Variants in ADGRE1 observed in about 807,000 individuals in gnomAD.
The protein encoded by ADGRE1 is EGF-like module receptor 1.
ADGRE1 carries 82 observed loss-of-function variants against 102.7 expected under a neutral mutation model. That is an observed-to-expected ratio of 0.80 (90% CI 0.67 to 0.96). The LOEUF is 0.96. ADGRE1 is among the 40% of genes least tolerant of loss of function. The probability of loss-of-function intolerance (pLI) is 0.00; values close to 1 mark genes in which losing one functional copy is unlikely to be tolerated. For missense variants in ADGRE1, 1,032 were observed against 1,085.3 expected, an observed-to-expected ratio of 0.95 and a Z score of 0.69; for synonymous variants, 398 against 399.6, an observed-to-expected ratio of 1.00 and a Z score of 0.05.
At position 6,890,502 on chromosome 19, in the gene ADGRE1, G is replaced by A. The variant is rs768800037; in HGVS notation, c.53G>A (p.Trp18Ter). The A allele has an allele frequency of 7.5e-6, 12 of 1,608,972 alleles. No homozygotes were observed. The highest frequency in any genetic ancestry group is 1.1e-5 in the South Asian group (1 of 90,862). The part of the protein sequence containing the change: ...LFWGCCVMHS[W>*]EGHIRPTRKP... ...ACAGGATGTTGTGTTATGCACAGCT[G>A]GGAAGGGCACATAAGACCCACACGG... Residue 18 changes from tryptophan (W) to a stop codon, truncating the protein, a stop_gained, in exon 2 of 21, where the codon TGG (tryptophan) becomes TAG (stop). Transcript: ENST00000312053. LOFTEE classifies it high-confidence loss of function.
chr19:6,909,470 A>G lies in ADGRE1; in HGVS notation c.1122+698A>G, dbSNP rs140502026. Among the ~76,000 whole-genome samples the G allele has an allele frequency of 2.8e-3, 425 of 152,264 alleles. 3 individuals are homozygous for G. The highest frequency in any genetic ancestry group is 4.6e-3 in the Non-Finnish European group (315 of 68,032). On this transcript the variant is annotated intron_variant, in intron 10 of 20. Transcript: ENST00000312053. ...TGTTATATAAATGAAACCACATAGT[A>G]TGTGGTCTTTTGAGACTGGCTTCTT...
At position 6,896,532 on chromosome 19, in the gene ADGRE1, C is replaced by A; in HGVS notation, c.229C>A (p.Arg77=). The change falls in exon 3 of 21, where the codon CGA becomes AGA. Residue 77 remains arginine, a synonymous_variant. Transcript: ENST00000312053. ...GQNHFKDPGV[R]CKDIDECSQS... is the part of the protein sequence containing the mutation. ...AAATCACTTCAAGGATCCAGGAGTG[C>A]GATGCAAAGGTGAGTTCATGTCCCC... is the stretch of plus-strand genomic sequence containing the variant. 6.2e-7 allele frequency: 1 copy of A among 1,613,866 alleles called. No individual in the cohort carries two copies.
chr19:6,896,122 A>G (rs1973541719), intron 2 of ADGRE1: 2 of 344,628 alleles, frequency 5.8e-6, no homozygotes. Context: ...GTCCCTGTGC[A>G]TGTCTGTGTG....
At position 6,916,301 on chromosome 19, in the gene ADGRE1, G is replaced by C. The variant is rs1414031366; in HGVS notation, c.1353G>C (p.Leu451Phe). The change falls in exon 12 of 21, where the codon TTG becomes TTC. Residue 451 changes from leucine (L) to phenylalanine (F), a missense_variant. Transcript: ENST00000312053. The stretch of plus-strand genomic sequence containing the variant: ...AATGCAGTGAAGAGAATGTGACGTT[G>C]GACTTGGTAGCCAAGGGGGATAAGA... ...NKECSEENVT[L>F]DLVAKGDKMK... 6.2e-7 allele frequency: 1 copy of C among 1,613,364 alleles called. No individual in the cohort carries two copies. Among genetic ancestry groups the C allele is most frequent in the African/African-American group, 1.3e-5 (1 of 74,868 alleles).
intron 8 of ADGRE1, among the ~76,000 whole-genome samples, chr19:6,904,598 C>T (rs1005897179): frequency 2.6e-5 from 4 of 151,816 alleles, no homozygotes; most frequent in Admixed American, 6.6e-5. Flanking sequence ...CTCCACCTCC[C>T]GGGTTCACGC....
chr19:6,903,732 T>C, intron 6 of ADGRE1, 78 bp from the exon 7 acceptor site: 2 of 1,572,032 alleles, frequency 1.3e-6, no homozygotes, highest in South Asian at 2.3e-5. Context: ...GAAACATGAC[T>C]CCATATTTTG....
intron 10 of ADGRE1, among the ~76,000 whole-genome samples, chr19:6,913,180 C>CT (rs1001931635): frequency 8.6e-5 from 13 of 151,268 alleles, no homozygotes; most frequent in East Asian, 7.8e-4. Context: ...ATTTGTATTT[C>CT]TTTTTTTTTC....
At chr19:6,904,895 A>G (rs1466740040) in intron 8 of ADGRE1, among the ~76,000 whole-genome samples, 1 of 152,164 alleles carries the variant, frequency 6.6e-6, no homozygotes, top group African/African-American at 2.4e-5. Context: ...GAGGAGAAGG[A>G]CTTCTCTAGA....
chr19:6,939,016 G>A (rs764427014), intron 20 of ADGRE1, among the ~76,000 whole-genome samples: 1 of 151,760 alleles, frequency 6.6e-6, no homozygotes, highest in Non-Finnish European at 1.5e-5. Context: ...GGTTGGTCTC[G>A]AACTCCTGAC....
intron 5 of ADGRE1, chr19:6,898,361 A>G: frequency 6.3e-7 from 1 of 1,598,740 alleles, no homozygotes; most frequent in East Asian, 2.2e-5. Flanking sequence ...TCATCCTGCA[A>G]AAACATGTCA....
At chr19:6,900,527 G>T (rs1973728327) in intron 5 of ADGRE1, among the ~76,000 whole-genome samples, 1 of 152,102 alleles carries the variant, frequency 6.6e-6, no homozygotes, top group Non-Finnish European at 1.5e-5. Flanking sequence ...TTCCTCCACT[G>T]TTTTCCATCC....
At position 6,903,826 on chromosome 19, in the gene ADGRE1, T is replaced by C; in HGVS notation, c.678T>C (p.Thr226=). Residue 226 remains threonine (T), a synonymous_variant, in exon 7 of 21, where the codon ACT becomes ACC. Transcript: ENST00000312053. ...KASCEDIDEC[T]EMCPINSTCT... is the part of the protein sequence containing the mutation. ...ACCCCACAGATATTGATGAATGCAC[T>C]GAAATGTGCCCCATCAATTCAACAT... 6.2e-7 allele frequency: 1 copy of C among 1,614,142 alleles called. No individual in the cohort carries two copies. The highest frequency in any genetic ancestry group is 8.5e-7 in the Non-Finnish European group (1 of 1,179,978).
At chr19:6,891,480 T>C (rs1186540065) in intron 2 of ADGRE1, among the ~76,000 whole-genome samples, 1 of 151,220 alleles carries the variant, frequency 6.6e-6, no homozygotes, top group Non-Finnish European at 1.5e-5. Flanking sequence ...TTGAGATAGA[T>C]TCTCGCTCTG....
intron 9 of ADGRE1, among the ~76,000 whole-genome samples, chr19:6,907,044 G>T (rs746117565): frequency 2.6e-5 from 4 of 152,118 alleles, no homozygotes; most frequent in Admixed American, 2.0e-4. Context: ...TGGTGTGGGG[G>T]TGTTACACAG....
At chr19:6,935,103 C>T in intron 18 of ADGRE1, 25 bp downstream of exon 18, 2 of 1,461,506 alleles carry the variant, frequency 1.4e-6, no homozygotes. Flanking sequence ...CACCTCCCCC[C>T]CTCTTTTAAT....
chr19:6,936,469 GT>G (rs1347394211), intron 18 of ADGRE1, among the ~76,000 whole-genome samples: 4 of 149,602 alleles, frequency 2.7e-5, no homozygotes, highest in African/African-American at 9.8e-5. Context: ...GTAAAACAAA[GT>G]TGATACATAC....
At chr19:6,896,616 A>G (rs1179055473) in intron 3 of ADGRE1, 75 bp downstream of exon 3, 8 of 1,531,158 alleles carry the variant, frequency 5.2e-6, no homozygotes, top group South Asian at 1.2e-5. Context: ...TATTGAATGT[A>G]GGTACTCCCC....
chr19:6,927,235 C>T (rs1281307249), intron 16 of ADGRE1, among the ~76,000 whole-genome samples: 3 of 140,832 alleles, frequency 2.1e-5, no homozygotes, highest in Non-Finnish European at 3.1e-5. Context: ...TCTTCCCTCC[C>T]TCCTTCCTTC....
chr19:6,915,267 A>G (rs748436124), intron 11 of ADGRE1, among the ~76,000 whole-genome samples: 19 of 152,186 alleles, frequency 1.2e-4, no homozygotes, highest in Non-Finnish European at 2.8e-4. Flanking sequence ...TCGGCCTCCC[A>G]AAGTACTAGG....
Sources: allele counts gnomAD v4.1 joint callset (sites outside exome capture counted in the v4.1 genomes callset), GRCh38; gene constraint gnomAD v4.1.1; transcripts MANE v1.5; gene names NCBI Gene and HGNC (gene_info 2026-07-23, HGNC 2026-07-21).